The following TFEC variants were observed in gnomAD, a reference collection of about 807,000 sequenced individuals.
TFEC encodes transcription factor EC, also known as class E basic helix-loop-helix protein 34.
TFEC carries 31 observed loss-of-function variants against 41.6 expected under a neutral mutation model. That is an observed-to-expected ratio of 0.74 (90% CI 0.56 to 1.01). The LOEUF (loss-of-function observed/expected upper bound fraction) is 1.01, where lower values mean the gene tolerates loss of function less well. Ranked by LOEUF, TFEC falls within the 50% of genes least tolerant of loss-of-function variation. The pLI, the probability that TFEC is intolerant of heterozygous loss-of-function variation, is 0.00. For missense variants in TFEC, 402 were observed against 404.1 expected, an observed-to-expected ratio of 0.99 and a Z score of 0.04; for synonymous variants, 143 against 140.6, an observed-to-expected ratio of 1.02 and a Z score of -0.12.
intron 3 of TFEC, among the ~76,000 whole-genome samples, chr7:116,055,158 G>A (rs548170176): frequency 6.6e-6 from 1 of 152,038 alleles, no homozygotes; most frequent in Non-Finnish European, 1.5e-5. Context: ...CAGGAAAATA[G>A]CCTATGCATT....
rs544908731 is a variant in TFEC, at chr7:115,991,267, G to A, written c.-72-6754C>T. Among the ~76,000 whole-genome samples, 385 of 152,266 alleles carry A rather than the reference G, an allele frequency of 2.5e-3. 1 individual carries two copies. Among genetic ancestry groups the A allele is most frequent in the Middle Eastern group, 6.8e-3 (2 of 294 alleles). ...GAACAACTAGTACAAGCCACTGCAA[G>A]AACATGCCAAATTGTAAAGACCATC... On this transcript the variant is annotated intron_variant, in intron 1 of 7. Coordinates refer to ENST00000265440, the MANE Select transcript of TFEC (RefSeq NM_012252.4).
intron 3 of TFEC, among the ~76,000 whole-genome samples, chr7:115,958,248 T>C (rs1489249202): frequency 6.6e-6 from 1 of 151,912 alleles, no homozygotes; most frequent in African/African-American, 2.4e-5. Context: ...TGTGTGTTAG[T>C]ATCAAATAAA....
chr7:116,000,313 A>G (rs1439324905), intron 1 of TFEC, among the ~76,000 whole-genome samples: 2 of 152,118 alleles, frequency 1.3e-5, no homozygotes, highest in African/African-American at 2.4e-5. Context: ...ACTCACCTCA[A>G]TACAATAAAA....
intron 3 of TFEC, among the ~76,000 whole-genome samples, chr7:116,038,692 T>C (rs573426704): frequency 2.6e-5 from 4 of 152,188 alleles, no homozygotes; most frequent in South Asian, 2.1e-4. Context: ...TGTCTCATGA[T>C]TGACATTGTA....
At chr7:116,099,706 TGA>T (rs1797560747) in intron 3 of TFEC, among the ~76,000 whole-genome samples, 1 of 152,216 alleles carries the variant, frequency 6.6e-6, no homozygotes, top group Non-Finnish European at 1.5e-5. Flanking sequence ...AGCAAGCGAA[TGA>T]ACCTAGCCCA....
intron 3 of TFEC, among the ~76,000 whole-genome samples, chr7:116,077,489 G>A (rs1262456117): frequency 6.6e-6 from 1 of 152,090 alleles, no homozygotes; most frequent in Non-Finnish European, 1.5e-5. Flanking sequence ...TGGCTGAACG[G>A]ATAAGAATTC....
chr7:115,974,037 T>G (rs1338991204), intron 3 of TFEC, 133 bp downstream of exon 3: 2 of 645,120 alleles, frequency 3.1e-6, no homozygotes, highest in Non-Finnish European at 5.1e-6. Context: ...CAATAAATAT[T>G]TTCTAGTATT....
chr7:115,980,611 G>A (rs914202045), intron 2 of TFEC, among the ~76,000 whole-genome samples: 2 of 151,986 alleles, frequency 1.3e-5, no homozygotes, highest in Non-Finnish European at 2.9e-5. Context: ...TTAGCTGGGC[G>A]TGGTGGCTTG....
intron 5 of TFEC, among the ~76,000 whole-genome samples, chr7:115,952,055 A>G (rs1309960937): frequency 6.6e-6 from 1 of 152,124 alleles, no homozygotes; most frequent in Non-Finnish European, 1.5e-5. Context: ...AACAGTTCAC[A>G]TTTGAGAATT....
intron 3 of TFEC, among the ~76,000 whole-genome samples, chr7:116,070,999 A>G (rs974715694): frequency 6.6e-6 from 1 of 151,348 alleles, no homozygotes; most frequent in African/African-American, 2.4e-5. Context: ...CTAACTTATA[A>G]CCATCTGTGC....
chr7:116,134,524 A>T (rs1798398467), intron 1 of TFEC, among the ~76,000 whole-genome samples: 1 of 151,956 alleles, frequency 6.6e-6, no homozygotes, highest in Admixed American at 6.5e-5. Flanking sequence ...GGTCTCTGAA[A>T]TTTTTTTTAT....
chr7:116,104,207 A>G (rs1370231624), intron 3 of TFEC, among the ~76,000 whole-genome samples: 1 of 152,154 alleles, frequency 6.6e-6, no homozygotes, highest in African/African-American at 2.4e-5. Flanking sequence ...TAAGAACCAC[A>G]GTGCCAGACT....
chr7:116,112,643 T>G (rs1206693869), intron 1 of TFEC, among the ~76,000 whole-genome samples: 1 of 151,938 alleles, frequency 6.6e-6, no homozygotes, highest in Non-Finnish European at 1.5e-5. Context: ...ATGTTTTCTA[T>G]GACAAACTGT....
chr7:116,089,444 A>G (rs1456866141), intron 3 of TFEC, among the ~76,000 whole-genome samples: 1 of 152,142 alleles, frequency 6.6e-6, no homozygotes, highest in African/African-American at 2.4e-5. Context: ...CCAGGAGACC[A>G]TTAAAAAGTT....
At chr7:116,155,648 A>C (rs1456253071) in intron 1 of TFEC, among the ~76,000 whole-genome samples, 1 of 152,220 alleles carries the variant, frequency 6.6e-6, no homozygotes, top group Admixed American at 6.5e-5. Flanking sequence ...ACTTGCTTTT[A>C]GCAGCATCTC....
At chr7:116,058,794 T>C (rs1796486455) in intron 3 of TFEC, among the ~76,000 whole-genome samples, 1 of 151,724 alleles carries the variant, frequency 6.6e-6, no homozygotes, top group South Asian at 2.1e-4. Flanking sequence ...AAATAACCCA[T>C]GGTTCAAAAA....
intron 1 of TFEC, among the ~76,000 whole-genome samples, chr7:116,112,231 G>C (rs1562973507): frequency 1.3e-5 from 2 of 151,896 alleles, no homozygotes; most frequent in African/African-American, 4.8e-5. Flanking sequence ...ACAATATCTG[G>C]AAAAATAAGG....
At chr7:116,015,904 G>A (rs1170034012) in intron 1 of TFEC, among the ~76,000 whole-genome samples, 1 of 152,150 alleles carries the variant, frequency 6.6e-6, no homozygotes, top group South Asian at 2.1e-4. Flanking sequence ...GCTAAGATGT[G>A]CAGATTTAGA....
chr7:116,152,484 C>T (rs186339730), intron 1 of TFEC, among the ~76,000 whole-genome samples: 2 of 152,238 alleles, frequency 1.3e-5, no homozygotes, highest in African/African-American at 2.4e-5. Context: ...AGTCTTCAAG[C>T]GGGTACTGAT....
Sources: gnomAD v4.1 joint callset for allele counts (sites outside exome capture counted in the v4.1 genomes callset) on GRCh38, gnomAD v4.1.1 for gene constraint, MANE v1.5 for transcripts, NCBI Gene and HGNC (gene_info 2026-07-23, HGNC 2026-07-21) for gene names.